The following TAFA2 variants were observed in gnomAD, a reference collection of about 807,000 sequenced individuals.
TAFA2 encodes TAFA chemokine like family member 2.
A neutral mutation model predicts 18.8 loss-of-function variants in TAFA2; 7 were observed. That is an observed-to-expected ratio of 0.37 (90% CI 0.21 to 0.70). The LOEUF is 0.70. Among genes scored for constraint, TAFA2 ranks in the 30% least tolerant of loss-of-function variants. TAFA2 has a pLI of 0.53. For synonymous variants in TAFA2, 60 were observed against 54.2 expected (o/e 1.11, Z -0.47); for missense variants, 122 against 158.1 (o/e 0.77, Z 1.23).
intron 2 of TAFA2, among the ~76,000 whole-genome samples, chr12:61,817,194 G>GTT (rs1872122223): frequency 6.6e-6 from 1 of 152,040 alleles, no homozygotes; most frequent in Non-Finnish European, 1.5e-5. Context: ...AGACAAGATT[G>GTT]TTAAACCTAC....
At chr12:62,181,250 T>C (rs542044036) in intron 1 of TAFA2, among the ~76,000 whole-genome samples, 12 of 152,056 alleles carry the variant, frequency 7.9e-5, no homozygotes, top group South Asian at 2.1e-4. Flanking sequence ...TGAAGAAACA[T>C]ATAAAGCTAC....
At chr12:61,870,823 G>A (rs548418046) in intron 1 of TAFA2, among the ~76,000 whole-genome samples, 7 of 152,224 alleles carry the variant, frequency 4.6e-5, no homozygotes, top group Admixed American at 1.3e-4. Flanking sequence ...GCCCAAGACC[G>A]TGTTGAGTGC....
intron 1 of TAFA2, among the ~76,000 whole-genome samples, chr12:61,927,628 C>A (rs1405410022): frequency 1.3e-5 from 2 of 152,158 alleles, no homozygotes; most frequent in Non-Finnish European, 2.9e-5. Flanking sequence ...ATCAAGCTAC[C>A]ATTGACTTTC....
At chr12:62,075,569 C>T (rs1347449002) in intron 1 of TAFA2, among the ~76,000 whole-genome samples, 1 of 152,170 alleles carries the variant, frequency 6.6e-6, no homozygotes, top group Non-Finnish European at 1.5e-5. Context: ...GTGAAGCTGC[C>T]AGTCAGATAA....
chr12:62,038,030 C>T (rs1881655934), intron 1 of TAFA2, among the ~76,000 whole-genome samples: 1 of 152,086 alleles, frequency 6.6e-6, no homozygotes, highest in African/African-American at 2.4e-5. Flanking sequence ...TATGATCTCA[C>T]ATGTGAAATC....
chr12:62,139,204 TA>T (rs749519886), intron 1 of TAFA2, among the ~76,000 whole-genome samples: 82 of 152,306 alleles, frequency 5.4e-4, no homozygotes, highest in Non-Finnish European at 1.1e-3. Context: ...AAATGTGTTT[TA>T]ATACTCCTGA....
intron 1 of TAFA2, among the ~76,000 whole-genome samples, chr12:62,122,704 C>CCTTT (rs1565751900): frequency 1.3e-5 from 2 of 152,178 alleles, no homozygotes; most frequent in Non-Finnish European, 2.9e-5. Context: ...TGATAACATA[C>CCTTT]AAAGGGCTAG....
At chr12:61,720,224 AG>A (rs1869838815) in intron 4 of TAFA2, among the ~76,000 whole-genome samples, 1 of 152,210 alleles carries the variant, frequency 6.6e-6, no homozygotes, top group Non-Finnish European at 1.5e-5. Flanking sequence ...AAATATATAA[AG>A]AATGGACCAT....
At chr12:61,749,095 G>T (rs777079634) in intron 4 of TAFA2, among the ~76,000 whole-genome samples, 3 of 145,708 alleles carry the variant, frequency 2.1e-5, no homozygotes, top group Admixed American at 6.9e-5. Flanking sequence ...GCAAAACCCC[G>T]TTGTTACTAA....
At chr12:61,880,330 AG>A (rs979481313) in intron 1 of TAFA2, 8 of 487,174 alleles carry the variant, frequency 1.6e-5, no homozygotes, top group Non-Finnish European at 2.1e-5. Flanking sequence ...CCACCATCAC[AG>A]ATGCCGAGAA....
intron 1 of TAFA2, among the ~76,000 whole-genome samples, chr12:62,185,184 T>C (rs554120288): frequency 6.6e-6 from 1 of 152,334 alleles, no homozygotes; most frequent in Admixed American, 6.5e-5. Flanking sequence ...AAAAAAACTG[T>C]CATATAACAG....
At chr12:62,259,937 C>A (rs2062982355), upstream of TAFA2, 2 of 165,550 alleles carry the variant, frequency 1.2e-5, no homozygotes, top group Non-Finnish European at 1.3e-5. Flanking sequence ...ACGAAAAGCC[C>A]AGTCACTGAG....
chr12:62,235,715 T>C (rs553231328), intron 1 of TAFA2, among the ~76,000 whole-genome samples: 2 of 152,314 alleles, frequency 1.3e-5, no homozygotes, highest in East Asian at 3.9e-4. Context: ...TTTTTATTTT[T>C]AGTGGATCTA....
At chr12:62,203,926 G>A (rs888280040) in intron 1 of TAFA2, among the ~76,000 whole-genome samples, 2 of 152,166 alleles carry the variant, frequency 1.3e-5, no homozygotes, top group African/African-American at 2.4e-5. Flanking sequence ...TTGCCTCATA[G>A]TGTCTTTGGT....
At chr12:62,148,111 G>A (rs1236108263) in intron 1 of TAFA2, among the ~76,000 whole-genome samples, 1 of 152,086 alleles carries the variant, frequency 6.6e-6, no homozygotes, top group Non-Finnish European at 1.5e-5. Flanking sequence ...ATACACTGTT[G>A]GTGGGAATGC....
At chr12:61,942,325 A>C (rs1342272617) in intron 1 of TAFA2, among the ~76,000 whole-genome samples, 2 of 148,922 alleles carry the variant, frequency 1.3e-5, no homozygotes, top group Non-Finnish European at 3.0e-5. Flanking sequence ...TCAAAGACCA[A>C]AAGTAGATAA....
At chr12:62,082,558 G>T (rs1212318288) in intron 1 of TAFA2, among the ~76,000 whole-genome samples, 2 of 152,160 alleles carry the variant, frequency 1.3e-5, no homozygotes, top group South Asian at 2.1e-4. Flanking sequence ...AGGCGCTGGG[G>T]CTATCTGACA....
intron 2 of TAFA2, among the ~76,000 whole-genome samples, chr12:61,845,531 T>C (rs1873368426): frequency 6.6e-6 from 1 of 152,138 alleles, no homozygotes; most frequent in Non-Finnish European, 1.5e-5. Flanking sequence ...GGATCAAACT[T>C]TGGTTTCTTA....
At chr12:62,002,278 T>C (rs1484070741) in intron 1 of TAFA2, among the ~76,000 whole-genome samples, 9 of 152,354 alleles carry the variant, frequency 5.9e-5, no homozygotes, top group Non-Finnish European at 1.3e-4. Flanking sequence ...GACACATATT[T>C]GAATCATAAA....
Sources: allele counts gnomAD v4.1 joint callset (sites outside exome capture counted in the v4.1 genomes callset), GRCh38; gene constraint gnomAD v4.1.1; transcripts MANE v1.5; gene names NCBI Gene and HGNC (gene_info 2026-07-23, HGNC 2026-07-21).